GFM1: variants seen among roughly 807,000 people sequenced by gnomAD.
GFM1 encodes G elongation factor mitochondrial 1.
GFM1 carries 62 observed loss-of-function variants against 96.2 expected under a neutral mutation model. The ratio of observed to expected loss-of-function variants is 0.64; its 90% CI spans 0.53 to 0.80. The LOEUF (loss-of-function observed/expected upper bound fraction) is 0.80. Among genes scored for constraint, GFM1 ranks in the 30% least tolerant of loss-of-function variants. The pLI is 0.00. For missense variants in GFM1, 852 were observed against 916.6 expected, an observed-to-expected ratio of 0.93 and a Z score of 0.91; for synonymous variants, 282 against 312.9, an observed-to-expected ratio of 0.90 and a Z score of 1.04.
chr3:158,649,632 G>T (rs976755442), intron 5 of GFM1: 3 of 222,092 alleles, frequency 1.4e-5, no homozygotes, highest in Admixed American at 5.1e-5. Flanking sequence ...AGTTAAAATT[G>T]TACAAATGTG....
At chr3:158,665,312 T>A in intron 11 of GFM1, 25 bp from the exon 12 acceptor site, 3 of 1,582,174 alleles carry the variant, frequency 1.9e-6, no homozygotes, top group South Asian at 1.1e-5. Context: ...GTAAAACATA[T>A]AGTGACTTTC....
intron 15 of GFM1, among the ~76,000 whole-genome samples, chr3:158,686,221 A>G (rs983610502): frequency 6.8e-6 from 1 of 148,130 alleles, no homozygotes; most frequent in Non-Finnish European, 1.5e-5. Context: ...TATAAAGTAT[A>G]TATGCATATA....
intron 10 of GFM1, 103 bp downstream of exon 10, chr3:158,661,078 G>A (rs1723166397): frequency 1.6e-5 from 14 of 862,514 alleles, no homozygotes; most frequent in Non-Finnish European, 2.6e-5. Context: ...AGAAGTTTTC[G>A]TTGAGTACCA....
At chr3:158,666,454 C>T in intron 13 of GFM1, 68 bp downstream of exon 13, 1 of 1,310,916 alleles carries the variant, frequency 7.6e-7, no homozygotes, top group Admixed American at 1.7e-5. Context: ...ATATACATAC[C>T]ACTATTACTG....
chr3:158,644,817 C>G, intron 1 of GFM1, 102 bp downstream of exon 1: 2 of 959,734 alleles, frequency 2.1e-6, no homozygotes, highest in South Asian at 1.4e-5. Flanking sequence ...TCATGACTGA[C>G]AGCTCCGAAT....
chr3:158,663,451 G>A (rs998820474), intron 11 of GFM1, among the ~76,000 whole-genome samples: 1 of 152,186 alleles, frequency 6.6e-6, no homozygotes, highest in Admixed American at 6.5e-5. Flanking sequence ...GAATTGTCAC[G>A]TGTGATAATA....
At position 158,683,921 on chromosome 3, in the gene GFM1, A is replaced by G. The variant is rs544926757; in HGVS notation, c.1765-603A>G. ...AAAACTTAAATAGTAAAGTTGTACT[A>G]TTTACAATAGCAAAGATATGTAATC... On this transcript the variant is annotated intron_variant, in intron 14 of 17. Coordinates refer to ENST00000486715, the MANE Select transcript of GFM1 (RefSeq NM_024996.7). Among the ~76,000 whole-genome samples, 89 of 152,358 alleles carry G rather than the reference A, an allele frequency of 5.8e-4. 1 individual carries two copies. Among genetic ancestry groups the G allele is most frequent in the African/African-American group, 2.1e-3 (86 of 41,584 alleles).
chr3:158,684,563 C>T lies in GFM1; in HGVS notation c.1804C>T (p.His602Tyr). The T allele has an allele frequency of 6.2e-7, 1 of 1,614,102 alleles. No individual in the cohort carries two copies. ...CTGCGAGAAGGGCCCTCTTTCTGGT[C>T]ACAAGCTCTCTGGGCTCCGGTTTGT... ...DACEKGPLSG[H>Y]KLSGLRFVLQ... is the part of the protein sequence containing the mutation. Residue 602 changes from histidine to tyrosine, a missense_variant, in exon 15 of 18, where the codon CAC (histidine) becomes TAC (tyrosine). By Grantham distance (83) the His-to-Tyr change is moderately conservative. Transcript: ENST00000486715.
intron 15 of GFM1, among the ~76,000 whole-genome samples, chr3:158,686,952 T>G: frequency 6.6e-6 from 1 of 151,948 alleles, no homozygotes; most frequent in East Asian, 1.9e-4. Context: ...AGGGTGGTCT[T>G]GAACTCCCGA....
intron 12 of GFM1, 79 bp downstream of exon 12, chr3:158,665,553 A>T: frequency 7.7e-7 from 1 of 1,294,262 alleles, no homozygotes. Context: ...TCTCAATCTA[A>T]TGTCTGTAAC....
chr3:158,691,649 G>T lies in GFM1; in HGVS notation c.*182G>T. On this transcript the variant is annotated 3_prime_UTR_variant, in exon 18 of 18. Coordinates refer to ENST00000486715, the MANE Select transcript of GFM1 (RefSeq NM_024996.7). ...TCAGGAGCTTCTGTTATATTCAAAG[G>T]TAATTCTATGTCTATCTCAACTCTA... 1.8e-6 allele frequency: 1 copy of T among 568,204 alleles called. No homozygotes were observed. The highest frequency in any genetic ancestry group is 3.2e-5 in the East Asian group (1 of 31,096). The allele number at this position is 568,204 out of a possible 1,614,324, so 35.2% of individuals were successfully genotyped here.
chr3:158,691,575 C>T lies in GFM1; in HGVS notation c.*108C>T. On this transcript the variant is annotated 3_prime_UTR_variant, in exon 18 of 18. Coordinates refer to ENST00000486715, the MANE Select transcript of GFM1 (RefSeq NM_024996.7). ...GCTGCTGAAACAAGAAATTCTGAGC[C>T]CAGGAAGCGGGCTCTTCTTTCTTCA... is the stretch of plus-strand genomic sequence containing the variant. 7.8e-7 allele frequency: 1 copy of T among 1,276,268 alleles called. No individual in the cohort carries two copies. The highest frequency in any genetic ancestry group is 1.1e-6 in the Non-Finnish European group (1 of 883,892). 79.1% of individuals were successfully genotyped at this position (1,276,268 alleles called of 1,614,324 possible).
At chr3:158,664,381 T>C (rs1005383347) in intron 11 of GFM1, among the ~76,000 whole-genome samples, 5 of 152,236 alleles carry the variant, frequency 3.3e-5, no homozygotes, top group Admixed American at 6.5e-5. Context: ...GGAGAATTTC[T>C]CTCCTTCTTA....
At chr3:158,664,369 T>G (rs780327457) in intron 11 of GFM1, among the ~76,000 whole-genome samples, 4 of 152,218 alleles carry the variant, frequency 2.6e-5, no homozygotes, top group Non-Finnish European at 5.9e-5. Flanking sequence ...GGAGGCTCTA[T>G]GGGAGAATTT....
At chr3:158,655,756 T>A (rs914557616) in intron 8 of GFM1, 7 of 440,798 alleles carry the variant, frequency 1.6e-5, no homozygotes, top group African/African-American at 1.2e-4. Context: ...GGGCCAATAC[T>A]GATATATTAT....
intron 4 of GFM1, among the ~76,000 whole-genome samples, chr3:158,648,730 AT>A (rs1347244567): frequency 4.0e-5 from 6 of 148,970 alleles, no homozygotes; most frequent in African/African-American, 1.5e-4. Context: ...CTACTATTTA[AT>A]TTCCTGGCTA....
chr3:158,649,501 T>C lies in GFM1; in HGVS notation c.689+344T>C, dbSNP rs1576727558. On this transcript the variant is annotated intron_variant, in intron 5 of 17. Transcript: ENST00000486715. Reference sequence around the variant, plus strand: ...ATTTATTCATTCATTCTGTGGACTTTTATAGAGCAGCTGCCAGGTCTGGGG... The same window carrying C: ...ATTTATTCATTCATTCTGTGGACTTCTATAGAGCAGCTGCCAGGTCTGGGG... 3 of 234,604 alleles carry C rather than the reference T, an allele frequency of 1.3e-5. No individual in the cohort carries two copies. The East Asian group carries it at 3.2e-4, about 25-fold the overall frequency. 14.5% of individuals were successfully genotyped at this position (234,604 alleles called of 1,614,324 possible).
chr3:158,681,307 G>T (rs1297011696), intron 13 of GFM1, among the ~76,000 whole-genome samples: 1 of 152,162 alleles, frequency 6.6e-6, no homozygotes, highest in Non-Finnish European at 1.5e-5. Context: ...CTCATGAAAT[G>T]ATTTTCCAGT....
intron 1 of GFM1, 48 bp downstream of exon 1, chr3:158,644,763 T>G (rs754995745): frequency 1.4e-6 from 2 of 1,479,416 alleles, no homozygotes; most frequent in Non-Finnish European, 1.8e-6. Context: ...CGGAACCTTG[T>G]GATCCCTTCT....
Sources: allele counts gnomAD v4.1 joint callset (sites outside exome capture counted in the v4.1 genomes callset), GRCh38; gene constraint gnomAD v4.1.1; transcripts MANE v1.5; gene names NCBI Gene and HGNC (gene_info 2026-07-23, HGNC 2026-07-21).